PHLPP1: variants seen among roughly 807,000 people sequenced by gnomAD.
PHLPP1 encodes the protein PH domain and leucine rich repeat protein phosphatase 1.
In PHLPP1, 42 loss-of-function variants were observed where a neutral mutation model predicts 117.2. The ratio of observed to expected loss-of-function variants is 0.36; its 90% CI spans 0.28 to 0.46. The LOEUF (loss-of-function observed/expected upper bound fraction) is 0.46. Ranked by LOEUF, PHLPP1 falls within the 20% of genes least tolerant of loss-of-function variation. The pLI, the probability that PHLPP1 is intolerant of heterozygous loss-of-function variation, is 1.00. For synonymous variants in PHLPP1, 1,042 were observed against 970.7 expected, an observed-to-expected ratio of 1.07 and a Z score of -1.37; for missense variants, 2,084 against 2,241.9, an observed-to-expected ratio of 0.93 and a Z score of 1.42.
intron 10 of PHLPP1, among the ~76,000 whole-genome samples, chr18:62,931,745 A>G (rs1402128057): frequency 1.3e-5 from 2 of 151,906 alleles, no homozygotes; most frequent in African/African-American, 2.4e-5. Context: ...ATACAAAACA[A>G]TTAGCTGGGC....
At chr18:62,923,396 G>C (rs984800792) in intron 10 of PHLPP1, among the ~76,000 whole-genome samples, 1 of 152,166 alleles carries the variant, frequency 6.6e-6, no homozygotes, top group African/African-American at 2.4e-5. Flanking sequence ...CTGCACCTTT[G>C]TTTTCCAAGC....
At chr18:62,749,419 G>GCTAA (rs907808800) in intron 1 of PHLPP1, among the ~76,000 whole-genome samples, 29 of 152,216 alleles carry the variant, frequency 1.9e-4, no homozygotes, top group African/African-American at 6.7e-4. Flanking sequence ...TAACATTCTG[G>GCTAA]CTATTTAACT....
chr18:62,940,024 G>A, intron 10 of PHLPP1, among the ~76,000 whole-genome samples: 1 of 152,052 alleles, frequency 6.6e-6, no homozygotes, highest in East Asian at 1.9e-4. Flanking sequence ...GCCAGGGGGA[G>A]GCATGGGAGA....
chr18:62,802,668 A>G (rs1341008705), intron 1 of PHLPP1, among the ~76,000 whole-genome samples: 1 of 152,158 alleles, frequency 6.6e-6, no homozygotes, highest in East Asian at 1.9e-4. Flanking sequence ...TGTAAAACAC[A>G]TATGTACATG....
At chr18:62,796,000 AC>A (rs1913621325) in intron 1 of PHLPP1, among the ~76,000 whole-genome samples, 1 of 152,208 alleles carries the variant, frequency 6.6e-6, no homozygotes, top group Non-Finnish European at 1.5e-5. Context: ...TTGCCATGTG[AC>A]ATTGACACTT....
At chr18:62,974,605 C>A (rs548836819) in intron 15 of PHLPP1, among the ~76,000 whole-genome samples, 1 of 152,278 alleles carries the variant, frequency 6.6e-6, no homozygotes, top group Admixed American at 6.5e-5. Flanking sequence ...CAATAATGGT[C>A]TTTTGTCCGT....
intron 10 of PHLPP1, among the ~76,000 whole-genome samples, chr18:62,932,358 A>G (rs1261241533): frequency 6.6e-6 from 1 of 152,226 alleles, no homozygotes; most frequent in Non-Finnish European, 1.5e-5. Flanking sequence ...ACATAGACAC[A>G]AAAATCTTCA....
intron 1 of PHLPP1, among the ~76,000 whole-genome samples, chr18:62,798,421 T>G (rs1288902237): frequency 6.6e-6 from 1 of 152,176 alleles, no homozygotes; most frequent in Non-Finnish European, 1.5e-5. Context: ...TACTTCTTGG[T>G]ACTCCCTAGT....
intron 3 of PHLPP1, among the ~76,000 whole-genome samples, chr18:62,848,699 A>G (rs930094408): frequency 2.6e-5 from 4 of 152,176 alleles, no homozygotes; most frequent in Admixed American, 2.0e-4. Context: ...CCTGGGCTGA[A>G]GCAGTCCTCC....
chr18:62,840,890 A>G (rs1299941484), intron 3 of PHLPP1, among the ~76,000 whole-genome samples: 4 of 152,042 alleles, frequency 2.6e-5, no homozygotes, highest in Non-Finnish European at 5.9e-5. Flanking sequence ...TGTGGAATTT[A>G]TTTTTTTGTT....
chr18:62,940,354 CTTTTTTTTTTTTTT>C (rs66530466), intron 10 of PHLPP1, among the ~76,000 whole-genome samples: 6 of 46,814 alleles, frequency 1.3e-4, no homozygotes, highest in South Asian at 1.1e-3. Context: ...TCTTTCTTTT[CTTTTTTTTTTTTTT>C]TTTTTTTTTT....
At chr18:62,885,744 A>T (rs1055077268) in intron 4 of PHLPP1, among the ~76,000 whole-genome samples, 10 of 152,100 alleles carry the variant, frequency 6.6e-5, no homozygotes, top group African/African-American at 2.4e-4. Flanking sequence ...AGTGCATTTA[A>T]ACTTTTCTGA....
chr18:62,876,109 C>T (rs923253037), intron 4 of PHLPP1, among the ~76,000 whole-genome samples: 1 of 151,986 alleles, frequency 6.6e-6, no homozygotes, highest in African/African-American at 2.4e-5. Flanking sequence ...TGATAAAAGA[C>T]AATATGCACA....
intron 1 of PHLPP1, among the ~76,000 whole-genome samples, chr18:62,772,011 T>G (rs1056231096): frequency 6.6e-6 from 1 of 152,310 alleles, no homozygotes; most frequent in Non-Finnish European, 1.5e-5. Context: ...TTCTTCTGTC[T>G]TCTTCTCCTT....
At chr18:62,898,432 CTG>C (rs1916625008) in intron 6 of PHLPP1, among the ~76,000 whole-genome samples, 1 of 152,164 alleles carries the variant, frequency 6.6e-6, no homozygotes, top group African/African-American at 2.4e-5. Flanking sequence ...TTTCTTCTCA[CTG>C]TGACTGTTGT....
intron 3 of PHLPP1, among the ~76,000 whole-genome samples, chr18:62,848,148 G>C (rs35437035): frequency 6.6e-6 from 1 of 152,126 alleles, no homozygotes; most frequent in Non-Finnish European, 1.5e-5. Flanking sequence ...TCAGCACAGA[G>C]TATGTGACCG....
At chr18:62,797,213 A>G (rs1221724285) in intron 1 of PHLPP1, among the ~76,000 whole-genome samples, 1 of 152,228 alleles carries the variant, frequency 6.6e-6, no homozygotes, top group Non-Finnish European at 1.5e-5. Flanking sequence ...TTTCCGAAAG[A>G]TGTTCACATC....
chr18:62,860,551 A>G lies in PHLPP1; in HGVS notation c.2016A>G (p.Leu672=). ...ATCTCAATTTAAAACAAAACTTCCT[A>G]AGGCAGAACCCTAGCCTTCCAGCTG... ...LTHLNLKQNF[L]RQNPSLPAAR... Residue 672 remains leucine (L), a synonymous_variant, in exon 4 of 17, where the codon CTA becomes CTG. Coordinates refer to ENST00000262719, the MANE Select transcript of PHLPP1 (RefSeq NM_194449.4). 1 of 1,613,668 alleles carries G rather than the reference A, an allele frequency of 6.2e-7. No individual in the cohort carries two copies. The highest frequency in any genetic ancestry group is 1.1e-5 in the South Asian group (1 of 91,014).
chr18:62,814,415 C>G (rs1352459223), intron 1 of PHLPP1, among the ~76,000 whole-genome samples: 1 of 152,216 alleles, frequency 6.6e-6, no homozygotes, highest in African/African-American at 2.4e-5. Context: ...TCCCCTAGAC[C>G]TCTTACGGAG....
Sources: allele counts gnomAD v4.1 joint callset (sites outside exome capture counted in the v4.1 genomes callset), GRCh38; gene constraint gnomAD v4.1.1; transcripts MANE v1.5; gene names NCBI Gene and HGNC (gene_info 2026-07-23, HGNC 2026-07-21).